IFT27: variants seen among roughly 807,000 people sequenced by gnomAD.
IFT27 encodes intraflagellar transport 27.
Under a neutral mutation model 23.9 loss-of-function variants are expected in IFT27, and 19 were observed. The ratio of observed to expected loss-of-function variants is 0.79; its 90% CI spans 0.55 to 1.16. The LOEUF (loss-of-function observed/expected upper bound fraction) is 1.16. IFT27 is among the 50% of genes most tolerant of loss of function. The probability of loss-of-function intolerance (pLI) is 0.00; values close to 1 mark genes in which losing one functional copy is unlikely to be tolerated. For missense variants in IFT27, 206 were observed against 228.7 expected (o/e 0.90, Z 0.64); for synonymous variants, 91 against 89.1 (o/e 1.02, Z -0.12).
intron 6 of IFT27, chr22:36,761,819 C>T (rs924216729): frequency 1.3e-4 from 20 of 152,276 alleles, no homozygotes; most frequent in African/African-American, 3.4e-4. Flanking sequence ...TAAGCTCGGA[C>T]GGCAGCACTG....
At position 36,775,880 on chromosome 22, in the gene IFT27, T is replaced by C. The variant is rs1470046977; in HGVS notation, c.-173A>G. The C allele has an allele frequency of 8.6e-5, 4 of 46,646 alleles. No homozygotes were observed. The highest frequency in any genetic ancestry group is 1.5e-4 in the Non-Finnish European group (4 of 26,108). 2.9% of individuals were successfully genotyped at this position (46,646 alleles called of 1,614,324 possible). ...TGGGGATGACCGAGCCCGGCCCTTCTGGGCCGGGGGCGGATATCGGGCGCT... is the reference window on the plus strand; with the variant it reads ...TGGGGATGACCGAGCCCGGCCCTTCCGGGCCGGGGGCGGATATCGGGCGCT... On this transcript the variant is annotated 5_prime_UTR_variant, in exon 1 of 7. Coordinates refer to ENST00000433985, the MANE Select transcript of IFT27 (RefSeq NM_001177701.3).
chr22:36,774,678 G>T (rs967946379), intron 1 of IFT27, among the ~76,000 whole-genome samples: 1 of 152,222 alleles, frequency 6.6e-6, no homozygotes, highest in Admixed American at 6.5e-5. Flanking sequence ...CGGGCATGGT[G>T]GCTTGCGCCT....
At chr22:36,761,555 AT>A (rs1452675808) in intron 6 of IFT27, 3 of 152,226 alleles carry the variant, frequency 2.0e-5, no homozygotes, top group African/African-American at 7.2e-5. Context: ...GAAAGCTAAC[AT>A]CTACTGAGTG....
At chr22:36,767,212 C>T in intron 3 of IFT27, 94 bp downstream of exon 3, 1 of 963,380 alleles carries the variant, frequency 1.0e-6, no homozygotes, top group Non-Finnish European at 1.7e-6. Context: ...CACAGCCTTG[C>T]ACTGCATCTC....
chr22:36,768,261 C>G (rs1938305621), intron 1 of IFT27: 1 of 363,260 alleles, frequency 2.8e-6, no homozygotes. Context: ...CACTGACAGG[C>G]AGAGTCACCT....
At chr22:36,771,519 G>C (rs761568622) in intron 1 of IFT27, among the ~76,000 whole-genome samples, 1 of 152,144 alleles carries the variant, frequency 6.6e-6, no homozygotes, top group Non-Finnish European at 1.5e-5. Flanking sequence ...TGTGGCATGT[G>C]CTGGGGTCAC....
intron 1 of IFT27, chr22:36,772,507 ATGT>A (rs1227887994): frequency 1.5e-5 from 15 of 985,276 alleles, no homozygotes; most frequent in Non-Finnish European, 1.7e-5. Flanking sequence ...TCAATGTCAA[ATGT>A]TGTTTTCTTT....
At chr22:36,767,659 G>A in intron 2 of IFT27, 124 bp downstream of exon 2, 1 of 886,702 alleles carries the variant, frequency 1.1e-6, no homozygotes, top group South Asian at 1.5e-5. Context: ...ATCTCCACGT[G>A]GCCCTCTGAG....
At chr22:36,772,452 A>G (rs889797856) in intron 1 of IFT27, 6 of 949,622 alleles carry the variant, frequency 6.3e-6, no homozygotes, top group Non-Finnish European at 7.5e-6. Context: ...CCTGGCATAT[A>G]TAAGTACTAT....
intron 1 of IFT27, among the ~76,000 whole-genome samples, chr22:36,771,612 G>T (rs1031728748): frequency 6.6e-6 from 1 of 152,060 alleles, no homozygotes; most frequent in Non-Finnish European, 1.5e-5. Flanking sequence ...AGCTCCCTGG[G>T]TCTCTTCAAG....
chr22:36,764,037 C>T lies in IFT27; in HGVS notation c.235-1G>A. 2 of 1,598,746 alleles carry T rather than the reference C, an allele frequency of 1.3e-6. No individual in the cohort carries two copies. Among genetic ancestry groups the T allele is most frequent in the South Asian group, 1.1e-5 (1 of 90,800 alleles). On this transcript the variant is annotated splice_acceptor_variant, in intron 4 of 6. Transcript: ENST00000433985. LOFTEE classifies it high-confidence loss of function. ...GACATAAGACATTGGGACTCTCCCA[C>T]TGTGCAAGAGGGACAGGATGAGTAT...
chr22:36,766,124 C>A lies in IFT27; in HGVS notation c.234+14G>T. 1 of 1,611,884 alleles carries A rather than the reference C, an allele frequency of 6.2e-7. No individual in the cohort carries two copies. The highest frequency in any genetic ancestry group is 1.1e-5 in the South Asian group (1 of 91,028). ...AGGTGGTGACAGTCAGGAAAAAGAC[C>A]ACGTGCTACTTGCCAATTTATCCAG... On this transcript the variant is annotated intron_variant, in intron 4 of 6. Coordinates refer to ENST00000433985, the MANE Select transcript of IFT27 (RefSeq NM_001177701.3).
intron 1 of IFT27, among the ~76,000 whole-genome samples, chr22:36,769,164 G>A (rs541888397): frequency 2.0e-5 from 3 of 152,212 alleles, no homozygotes; most frequent in Admixed American, 2.0e-4. Flanking sequence ...TCCTTAGAAG[G>A]GAACCAATAT....
chr22:36,758,430 G>T (rs770564746), intron 6 of IFT27, 21 bp from the exon 7 acceptor site: 1 of 1,595,066 alleles, frequency 6.3e-7, no homozygotes, highest in Non-Finnish European at 8.6e-7. Context: ...AGTTTAAAAA[G>T]TTGGCTGTGT....
At chr22:36,773,654 CAAAAAAAA>C (rs35651506) in intron 1 of IFT27, among the ~76,000 whole-genome samples, 1 of 110,486 alleles carries the variant, frequency 9.1e-6, no homozygotes, top group Non-Finnish European at 1.8e-5. Flanking sequence ...AACTCCGTCT[CAAAAAAAA>C]AAAAAAAAAA....
intron 1 of IFT27, among the ~76,000 whole-genome samples, chr22:36,771,533 G>A (rs1220612773): frequency 1.3e-5 from 2 of 152,088 alleles, no homozygotes; most frequent in Non-Finnish European, 2.9e-5. Context: ...GGGTCACGCG[G>A]CAGGTGACTG....
At chr22:36,770,318 C>T (rs1569078500) in intron 1 of IFT27, among the ~76,000 whole-genome samples, 2 of 152,148 alleles carry the variant, frequency 1.3e-5, no homozygotes, top group African/African-American at 2.4e-5. Flanking sequence ...GTCCTGTCCC[C>T]GTGGCCTCAG....
intron 1 of IFT27, chr22:36,772,581 ACAAAGGG>A: frequency 1.0e-6 from 1 of 985,436 alleles, no homozygotes; most frequent in Non-Finnish European, 1.2e-6. Context: ...CATCTGGCAC[ACAAAGGG>A]CATTCACTTT....
At chr22:36,773,290 G>A (rs965901639) in intron 1 of IFT27, among the ~76,000 whole-genome samples, 23 of 152,064 alleles carry the variant, frequency 1.5e-4, no homozygotes, top group African/African-American at 5.1e-4. Flanking sequence ...CCCAGGAGGT[G>A]GAAGTTGCAG....
Sources: allele counts gnomAD v4.1 joint callset (sites outside exome capture counted in the v4.1 genomes callset), GRCh38; gene constraint gnomAD v4.1.1; transcripts MANE v1.5; gene names NCBI Gene and HGNC (gene_info 2026-07-23, HGNC 2026-07-21).